ACAN: variants seen among roughly 807,000 people sequenced by gnomAD.
ACAN encodes the protein aggrecan core protein.
In ACAN, 47 loss-of-function variants were observed where a neutral mutation model predicts 169.1. That is an observed-to-expected ratio of 0.28 (90% CI 0.22 to 0.35). The LOEUF (loss-of-function observed/expected upper bound fraction) is 0.35, where lower values mean the gene tolerates loss of function less well. Ranked by LOEUF, ACAN falls within the 10% of genes least tolerant of loss-of-function variation. The pLI is 1.00. For missense variants in ACAN, 2,716 were observed against 2,759.9 expected, an observed-to-expected ratio of 0.98 and a Z score of 0.36; for synonymous variants, 1,115 against 1,112.2, an observed-to-expected ratio of 1.00 and a Z score of -0.05.
chr15:88,807,446 C>G lies in ACAN; in HGVS notation c.-8+3637C>G, dbSNP rs868172824. On this transcript the variant is annotated intron_variant, in intron 1 of 18. Transcript: ENST00000560601. The surrounding 1 kb of genome is among the most constrained non-coding windows in gnomAD (Gnocchi z 4.0). The stretch of plus-strand genomic sequence containing the variant: ...AGCCCCTTCAATGGGATGAAGGGCC[C>G]GTTTCTGTGACAGCTACTTTGGGAG... 6.6e-6 allele frequency among the ~76,000 whole-genome samples: 1 copy of G among 152,106 alleles called. No individual in the cohort carries two copies. Among genetic ancestry groups the G allele is most frequent in the Non-Finnish European group, 1.5e-5 (1 of 68,016 alleles).
At chr15:88,860,304 A>C in intron 12 of ACAN, 22 bp from the exon 13 acceptor site, 1 of 1,563,932 alleles carries the variant, frequency 6.4e-7, no homozygotes, top group Non-Finnish European at 8.7e-7. Context: ...TTGATGCTCA[A>C]CCTCTCCCCT....
intron 6 of ACAN, among the ~76,000 whole-genome samples, chr15:88,844,093 A>G (rs1453915705): frequency 1.3e-5 from 2 of 152,020 alleles, no homozygotes; most frequent in African/African-American, 2.4e-5. Flanking sequence ...TTTAAATTGA[A>G]TATGTCTAAA....
intron 1 of ACAN, among the ~76,000 whole-genome samples, chr15:88,804,550 G>T (rs929751780): frequency 1.3e-5 from 2 of 152,180 alleles, no homozygotes; most frequent in African/African-American, 4.8e-5. Flanking sequence ...ACACGACCAC[G>T]AGCGGTTTTT....
At position 88,861,479 on chromosome 15, in the gene ACAN, C is replaced by A. The variant is rs1390412772; in HGVS notation, c.6946+1040C>A. Among the ~76,000 whole-genome samples, 1 of 151,998 alleles carries A rather than the reference C, an allele frequency of 6.6e-6. No homozygotes were observed. Among genetic ancestry groups the A allele is most frequent in the African/African-American group, 2.4e-5 (1 of 41,334 alleles). ...TTAATATACATGCAAATTAATACAT[C>A]ATTATATATTATTATATATCATATA... On this transcript the variant is annotated intron_variant, in intron 13 of 18. Transcript: ENST00000560601. This position sits in a 1 kb window ranked among gnomAD's most constrained non-coding sequence, Gnocchi z 6.3.
At chr15:88,819,784 T>C (rs1355114232) in intron 1 of ACAN, among the ~76,000 whole-genome samples, 1 of 151,846 alleles carries the variant, frequency 6.6e-6, no homozygotes, top group Non-Finnish European at 1.5e-5. Context: ...ATTTTTTTAA[T>C]TAAAAAAAAT....
Position 88,843,595 on chromosome 15 carries a change from A to T in ACAN, c.998A>T (p.Asn333Ile). ...GTGAGGACCGTCTACGTGCATGCCA[A>T]CCAGACGGGCTACCCCGACCCCTCA... is the stretch of plus-strand genomic sequence containing the variant. Reference protein sequence around the residue: ...LGVRTVYVHANQTGYPDPSSR... With the variant: ...LGVRTVYVHAIQTGYPDPSSR... Residue 333 changes from asparagine (N) to isoleucine (I), a missense_variant, in exon 6 of 19, where the codon AAC becomes ATC. By Grantham distance (149) the Asn-to-Ile change is moderately radical (BLOSUM62 -3). Transcript: ENST00000560601. The surrounding 1 kb of genome is among the most constrained non-coding windows in gnomAD (Gnocchi z 4.0). The T allele has an allele frequency of 6.2e-7, 1 of 1,604,152 alleles. No individual in the cohort carries two copies. The highest frequency in any genetic ancestry group is 8.5e-7 in the Non-Finnish European group (1 of 1,172,758).
At position 88,814,203 on chromosome 15, in the gene ACAN, C is replaced by T. The variant is rs879643889; in HGVS notation, c.-8+10394C>T. On this transcript the variant is annotated intron_variant, in intron 1 of 18. Transcript: ENST00000560601. The surrounding 1 kb of genome is among the most constrained non-coding windows in gnomAD (Gnocchi z 4.0). ...CTCATCTGTGAATTGGGTATAATGA[C>T]TCCTTCCCGATAGATTTGTTGGGAG... Among the ~76,000 whole-genome samples, 1 of 152,212 alleles carries T rather than the reference C, an allele frequency of 6.6e-6. No individual in the cohort carries two copies. The highest frequency in any genetic ancestry group is 1.5e-5 in the Non-Finnish European group (1 of 68,046).
rs1410528918 is a variant in ACAN, at chr15:88,871,969, A to G, written c.7220-34A>G. 6.4e-7 allele frequency: 1 copy of G among 1,567,348 alleles called. No homozygotes were observed. The highest frequency in any genetic ancestry group is 1.1e-5 in the South Asian group (1 of 90,382). ...TTTCTCAGACACCCTCAGGGTGTCCAGTGTGATGCCTGACACCCTCACCCT... is the reference window on the plus strand; with the variant it reads ...TTTCTCAGACACCCTCAGGGTGTCCGGTGTGATGCCTGACACCCTCACCCT... On this transcript the variant is annotated intron_variant, in intron 15 of 18. Coordinates refer to ENST00000560601, the MANE Select transcript of ACAN (RefSeq NM_001369268.1). This position sits in a 1 kb window ranked among gnomAD's most constrained non-coding sequence, Gnocchi z 7.8.
rs1897397877 is a variant in ACAN, at chr15:88,872,211, G to A, written c.7302+126G>A. 4 of 784,408 alleles carry A rather than the reference G, an allele frequency of 5.1e-6. No homozygotes were observed. Among genetic ancestry groups the A allele is most frequent in the Admixed American group, 2.1e-5 (1 of 46,792 alleles). The allele number at this position is 784,408 out of a possible 1,614,324, so 48.6% of individuals were successfully genotyped here. A position where few individuals can be genotyped will look rare whatever the true frequency, so the allele number is the denominator to read the frequency against. On this transcript the variant is annotated intron_variant, in intron 16 of 18. Coordinates refer to ENST00000560601, the MANE Select transcript of ACAN (RefSeq NM_001369268.1). This position sits in a 1 kb window ranked among gnomAD's most constrained non-coding sequence, Gnocchi z 5.4. ...ACCAGCTGCTGGACCGGGAACCCTT[G>A]AGGGCAGGGATTATCTCCTTCATCT... is the stretch of plus-strand genomic sequence containing the variant.
At position 88,857,071 on chromosome 15, in the gene ACAN, G is replaced by A. The variant is rs755195338; in HGVS notation, c.4486G>A (p.Val1496Ile). Residue 1496 changes from valine to isoleucine, a missense_variant, in exon 12 of 19, where the codon GTA (valine) becomes ATA (isoleucine). By Grantham distance (29) the Val-to-Ile change is conservative. This residue lies in a region of ACAN where 1,389 missense variants were observed against 1,363.7 expected (regional missense o/e 1.02). Transcript: ENST00000560601. ...DISGLPSGEV[V>I]ETSASGIEDV... ...CAGTGGGCTTCCTTCTGGAGAGGTT[G>A]TAGAGACTTCTGCCTCTGGAATAGA... The A allele has an allele frequency of 3.7e-5, 59 of 1,606,856 alleles. No individual in the cohort carries two copies. Among genetic ancestry groups the A allele is most frequent in the Middle Eastern group, 1.6e-4 (1 of 6,070 alleles).
rs1378790140 is a variant in ACAN, at chr15:88,843,515, C to T, written c.918C>T (p.Ser306=). The part of the protein sequence containing the change: ...MCSAGWLADR[S]VRYPISKARP... ...GCGCCGGCTGGCTGGCCGACCGCAG[C>T]GTGCGCTACCCCATCTCCAAGGCCC... The change falls in exon 6 of 19, where the codon AGC becomes AGT. Residue 306 remains serine (S), a synonymous_variant. Coordinates refer to ENST00000560601, the MANE Select transcript of ACAN (RefSeq NM_001369268.1). The surrounding 1 kb of genome is among the most constrained non-coding windows in gnomAD (Gnocchi z 4.0). 1.7e-5 allele frequency: 27 copies of T among 1,612,562 alleles called. No individual in the cohort carries two copies. Among genetic ancestry groups the T allele is most frequent in the Non-Finnish European group, 2.2e-5 (26 of 1,179,640 alleles).
At position 88,845,734 on chromosome 15, in the gene ACAN, T is replaced by A; in HGVS notation, c.1281T>A (p.Thr427=). 1.2e-6 allele frequency: 2 copies of A among 1,613,766 alleles called. No individual in the cohort carries two copies. The highest frequency in any genetic ancestry group is 1.7e-6 in the Non-Finnish European group (2 of 1,179,790). The stretch of plus-strand genomic sequence containing the variant: ...CGTTTGCCCCTGAAATAGGGGCCAC[T>A]GCCTTCGCTGAGGTTGAGAATGAGA... The part of the protein sequence containing the change: ...PFTFAPEIGA[T]AFAEVENETG... The change falls in exon 7 of 19, where the codon ACT becomes ACA. Residue 427 remains threonine, a synonymous_variant. Transcript: ENST00000560601.
At position 88,855,525 on chromosome 15, in the gene ACAN, A is replaced by G. The variant is rs772550585; in HGVS notation, c.2940A>G (p.Glu980=). The stretch of plus-strand genomic sequence containing the variant: ...ACCTCAGTGGGCTTCCTTCTGGAGA[A>G]GTTCTAGAGACCACTGCCCCTGGAG... ...VGDLSGLPSG[E]VLETTAPGVE... Residue 980 remains glutamate (E), a synonymous_variant, in exon 12 of 19, where the codon GAA becomes GAG. Transcript: ENST00000560601. 1.5e-5 allele frequency: 24 copies of G among 1,613,286 alleles called. No individual in the cohort carries two copies. The highest frequency in any genetic ancestry group is 5.0e-5 in the Admixed American group (3 of 59,992).
intron 11 of ACAN, 127 bp from the exon 12 acceptor site, chr15:88,854,725 C>T: frequency 9.9e-7 from 1 of 1,014,026 alleles, no homozygotes; most frequent in African/African-American, 1.7e-5. Flanking sequence ...AGCATTTGGA[C>T]ACGTTGCTGA....
At chr15:88,824,245 A>C (rs1438380649) in intron 1 of ACAN, among the ~76,000 whole-genome samples, 2 of 151,458 alleles carry the variant, frequency 1.3e-5, no homozygotes, top group Non-Finnish European at 2.9e-5. Flanking sequence ...AATGGCGTGA[A>C]CCCAGGAGGC....
chr15:88,827,157 G>C (rs1896244206), intron 1 of ACAN, among the ~76,000 whole-genome samples: 1 of 152,156 alleles, frequency 6.6e-6, no homozygotes, highest in Non-Finnish European at 1.5e-5. Context: ...GCCCACTGTT[G>C]CCTGAAGATA....
rs868275977 is a variant in ACAN at position 88,861,298 on chromosome 15, G to A, written c.6946+859G>A. 1.6e-4 allele frequency among the ~76,000 whole-genome samples: 24 copies of A among 152,170 alleles called. No homozygotes were observed. Among genetic ancestry groups the A allele is most frequent in the Non-Finnish European group, 1.2e-4 (8 of 68,012 alleles). ...CTAGGTCAAGAATCAGAGACCTAGG[G>A]TCTTTCATAAAAGGGGTCACTCCTA... is the stretch of plus-strand genomic sequence containing the variant. On this transcript the variant is annotated intron_variant, in intron 13 of 18. Transcript: ENST00000560601. This position sits in a 1 kb window ranked among gnomAD's most constrained non-coding sequence, Gnocchi z 6.3.
At position 88,873,874 on chromosome 15, in the gene ACAN, G is replaced by T. The variant is rs944371417; in HGVS notation, c.7480G>T (p.Ala2494Ser). The stretch of plus-strand genomic sequence containing the variant: ...CGGAGAGCCCCCTGTGGTGGAGCAT[G>T]CCAGGACCTTCGGGCAGAAGAAGGA... The part of the protein sequence containing the change: ...ACGEPPVVEH[A>S]RTFGQKKDRY... Residue 2494 changes from alanine to serine, a missense_variant, in exon 18 of 19, where the codon GCC becomes TCC. Around this residue, in one of 3 missense-constraint regions of ACAN, gnomAD observed 1,389 missense variants for 1,363.7 expected, o/e 1.02. Transcript: ENST00000560601. The surrounding 1 kb of genome is among the most constrained non-coding windows in gnomAD (Gnocchi z 7.5). 1 of 1,613,698 alleles carries T rather than the reference G, an allele frequency of 6.2e-7. No homozygotes were observed. The highest frequency in any genetic ancestry group is 1.3e-5 in the African/African-American group (1 of 74,928).
chr15:88,840,223 TCAG>T (rs1567175844), intron 4 of ACAN, 37 bp downstream of exon 4: 1 of 1,535,054 alleles, frequency 6.5e-7, no homozygotes, highest in Non-Finnish European at 8.7e-7. Context: ...GGGCCAGGAG[TCAG>T]CAGCCACAGG....
Sources: gnomAD v4.1 joint callset for allele counts (sites outside exome capture counted in the v4.1 genomes callset) on GRCh38, gnomAD v4.1.1 for gene constraint, gnomAD v4.1.1 regional missense constraint, Gnocchi (gnomAD v3.1) non-coding constraint, MANE v1.5 for transcripts, NCBI Gene and HGNC (gene_info 2026-07-23, HGNC 2026-07-21) for gene names.